The following CHD6 variants were observed in gnomAD, a reference collection of about 807,000 sequenced individuals.
The protein encoded by CHD6 is ATP-dependent chromatin remodeler CHD6.
A neutral mutation model predicts 276.9 loss-of-function variants in CHD6; 50 were observed. The observed-to-expected ratio is 0.18, with a 90% CI of 0.14 to 0.23. The LOEUF (loss-of-function observed/expected upper bound fraction) is 0.23. Among genes scored for constraint, CHD6 ranks in the 10% least tolerant of loss-of-function variants. The pLI is 1.00. For missense variants in CHD6, 2,564 were observed against 3,365.8 expected (o/e 0.76, Z 5.89); for synonymous variants, 1,173 against 1,229.3 (o/e 0.95, Z 0.96).
rs752516558 is a variant in CHD6 at position 41,415,658 on chromosome 20, AAG to A, written c.6487-22_6487-21del. On this transcript the variant is annotated intron_variant, in intron 33 of 36. Transcript: ENST00000373233. ...GCTCTCCTGTGAACACACAAACAGC[AAG>A]AGAGGTCTGAATGTCACACAAGTGG... The A allele has an allele frequency of 3.9e-6, 6 of 1,536,482 alleles. No homozygotes were observed. The highest frequency in any genetic ancestry group is 1.8e-4 in the Middle Eastern group (1 of 5,476).
At chr20:41,557,150 G>A (rs766664327) in intron 1 of CHD6, among the ~76,000 whole-genome samples, 30 of 152,320 alleles carry the variant, frequency 2.0e-4, no homozygotes, top group East Asian at 3.9e-4. Flanking sequence ...TGTCAACAGC[G>A]GAAAATATCA....
At chr20:41,550,197 C>A (rs888859656) in intron 2 of CHD6, among the ~76,000 whole-genome samples, 8 of 152,148 alleles carry the variant, frequency 5.3e-5, no homozygotes, top group African/African-American at 1.4e-4. Context: ...ACGTTCTTTT[C>A]CATTTTTGCT....
chr20:41,504,103 AAG>A (rs1555797246), intron 5 of CHD6, among the ~76,000 whole-genome samples: 3 of 149,452 alleles, frequency 2.0e-5, no homozygotes, highest in African/African-American at 7.4e-5. Flanking sequence ...AAAAAAAAAA[AAG>A]AAATACATTA....
intron 1 of CHD6, among the ~76,000 whole-genome samples, chr20:41,606,205 G>A (rs550028358): frequency 1.6e-4 from 24 of 151,948 alleles, no homozygotes; most frequent in Admixed American, 6.6e-4. Context: ...GTGAAACCCC[G>A]TCTCTACTAA....
Position 41,402,417 on chromosome 20 carries a change from T to C in CHD6, c.*2176A>G. 4.3e-6 allele frequency: 1 copy of C among 230,408 alleles called. No individual in the cohort carries two copies. The highest frequency in any genetic ancestry group is 8.6e-6 in the Non-Finnish European group (1 of 116,296). 14.3% of individuals were successfully genotyped at this position (230,408 alleles called of 1,614,324 possible). A position where few individuals can be genotyped will look rare whatever the true frequency, so the allele number is the denominator to read the frequency against. ...CATAAGGATAACAAGGGATTGAGCATGCTGGTGGGTTTTTAAGTCAGATCC... is the reference window on the plus strand; with the variant it reads ...CATAAGGATAACAAGGGATTGAGCACGCTGGTGGGTTTTTAAGTCAGATCC... On this transcript the variant is annotated 3_prime_UTR_variant, in exon 37 of 37. Coordinates refer to ENST00000373233, the MANE Select transcript of CHD6 (RefSeq NM_032221.5).
Position 41,404,697 on chromosome 20 carries a change from C to T in CHD6, c.8044G>A (p.Asp2682Asn). The T allele has an allele frequency of 6.3e-7, 1 of 1,591,288 alleles. No homozygotes were observed. Among genetic ancestry groups the T allele is most frequent in the Non-Finnish European group, 8.6e-7 (1 of 1,168,546 alleles). Residue 2682 changes from aspartate (D) to asparagine (N), a missense_variant, in exon 37 of 37, where the codon GAT (aspartate) becomes AAT (asparagine). Asp to Asn is a conservative substitution (Grantham distance 23, BLOSUM62 1). This residue lies in a region of CHD6 where 238 missense variants were observed against 266.0 expected (regional missense o/e 0.89). Coordinates refer to ENST00000373233, the MANE Select transcript of CHD6 (RefSeq NM_032221.5). ...GCACTGGGTTCGGCACAGTTCTCAT[C>T]ACCGCTGGGCTCCCTTTCACAGCTG... ...APSCEREPSG[D>N]ENCAEPSAPL...
intron 1 of CHD6, among the ~76,000 whole-genome samples, chr20:41,607,782 A>AAC (rs2045845555): frequency 6.6e-6 from 1 of 151,328 alleles, no homozygotes; most frequent in Admixed American, 6.6e-5. Flanking sequence ...AAAAAAAAAA[A>AAC]CACCTCATTA....
chr20:41,470,769 G>A (rs1235860078), intron 17 of CHD6, among the ~76,000 whole-genome samples: 4 of 152,200 alleles, frequency 2.6e-5, no homozygotes, highest in Non-Finnish European at 5.9e-5. Context: ...GACTATTCAC[G>A]TTCTTGCTTT....
chr20:41,478,581 A>T (rs2043219323), intron 16 of CHD6, among the ~76,000 whole-genome samples: 1 of 151,978 alleles, frequency 6.6e-6, no homozygotes, highest in Non-Finnish European at 1.5e-5. Context: ...GTGAGAGGGG[A>T]CCCCCAGAAA....
At chr20:41,444,567 A>G (rs902936741) in intron 25 of CHD6, among the ~76,000 whole-genome samples, 7 of 152,240 alleles carry the variant, frequency 4.6e-5, no homozygotes, top group Admixed American at 3.9e-4. Flanking sequence ...AGTGGATTCC[A>G]AATTAAAATA....
intron 2 of CHD6, among the ~76,000 whole-genome samples, chr20:41,543,220 A>G (rs953252581): frequency 6.6e-6 from 1 of 152,200 alleles, no homozygotes; most frequent in African/African-American, 2.4e-5. Flanking sequence ...AGATAGAGGC[A>G]TATTATGACT....
intron 1 of CHD6, among the ~76,000 whole-genome samples, chr20:41,610,035 T>G (rs944506831): frequency 6.6e-6 from 1 of 151,954 alleles, no homozygotes; most frequent in African/African-American, 2.4e-5. Flanking sequence ...TTTTGTATTT[T>G]TAGTAGAGTC....
intron 16 of CHD6, among the ~76,000 whole-genome samples, chr20:41,474,304 A>G (rs1174344126): frequency 6.6e-6 from 1 of 152,216 alleles, no homozygotes; most frequent in South Asian, 2.1e-4. Context: ...AGGAAAAAGA[A>G]TAAGAAATGA....
At chr20:41,617,897 C>A (rs1391681978) in intron 1 of CHD6, among the ~76,000 whole-genome samples, 2 of 148,544 alleles carry the variant, frequency 1.3e-5, no homozygotes, top group African/African-American at 4.9e-5. Flanking sequence ...AGCGGTCACC[C>A]CCGCCCCGCC....
chr20:41,579,020 C>T (rs1042386886), intron 1 of CHD6, among the ~76,000 whole-genome samples: 2 of 150,216 alleles, frequency 1.3e-5, no homozygotes, highest in African/African-American at 4.9e-5. Context: ...ATCCCAGCTA[C>T]TCGGGAGGCT....
intron 3 of CHD6, among the ~76,000 whole-genome samples, chr20:41,518,297 C>T (rs1036215785): frequency 3.9e-5 from 6 of 152,164 alleles, no homozygotes; most frequent in Non-Finnish European, 7.3e-5. Flanking sequence ...TGTGTGCGTG[C>T]GCGCGTGCCC....
intron 2 of CHD6, among the ~76,000 whole-genome samples, chr20:41,549,748 T>C (rs2045116428): frequency 6.6e-6 from 1 of 152,072 alleles, no homozygotes; most frequent in Non-Finnish European, 1.5e-5. Flanking sequence ...TTAAGAAATA[T>C]AAACCTGCTC....
chr20:41,606,308 A>G (rs2045827500), intron 1 of CHD6, among the ~76,000 whole-genome samples: 2 of 152,160 alleles, frequency 1.3e-5, no homozygotes, highest in South Asian at 2.1e-4. Flanking sequence ...TCAGGAGATC[A>G]AGACCACCCT....
At chr20:41,497,296 G>A in intron 8 of CHD6, 88 bp downstream of exon 8, 1 of 865,846 alleles carries the variant, frequency 1.2e-6, no homozygotes. Context: ...ATCTGTATAG[G>A]AATTTAACTT....
Sources: gnomAD v4.1 joint callset for allele counts (sites outside exome capture counted in the v4.1 genomes callset) on GRCh38, gnomAD v4.1.1 for gene constraint, gnomAD v4.1.1 regional missense constraint, MANE v1.5 for transcripts, NCBI Gene and HGNC (gene_info 2026-07-23, HGNC 2026-07-21) for gene names.